ASIC2: variants seen among roughly 807,000 people sequenced by gnomAD.
ASIC2 encodes acid-sensing ion channel 2.
In ASIC2, 25 loss-of-function variants were observed where a neutral mutation model predicts 57.3. That is an observed-to-expected ratio of 0.44 (90% CI 0.32 to 0.61). ASIC2 has a LOEUF of 0.61. Ranked by LOEUF, ASIC2 falls within the 20% of genes least tolerant of loss-of-function variation. ASIC2 has a pLI of 0.06. For synonymous variants in ASIC2, 319 were observed against 307.5 expected, an observed-to-expected ratio of 1.04 and a Z score of -0.39; for missense variants, 641 against 738.1, an observed-to-expected ratio of 0.87 and a Z score of 1.52.
chr17:33,507,288 AC>A (rs1332489724), intron 1 of ASIC2, among the ~76,000 whole-genome samples: 1 of 151,990 alleles, frequency 6.6e-6, no homozygotes, highest in Non-Finnish European at 1.5e-5. Context: ...GGGCCCACAG[AC>A]TCTATGCTGA....
intron 1 of ASIC2, among the ~76,000 whole-genome samples, chr17:34,041,822 C>G (rs1047448178): frequency 2.0e-5 from 3 of 152,206 alleles, no homozygotes; most frequent in African/African-American, 7.2e-5. Flanking sequence ...CTGCAATCTC[C>G]TAAGTAGTCT....
chr17:34,065,600 A>G (rs138203042), intron 1 of ASIC2, among the ~76,000 whole-genome samples: 2 of 152,312 alleles, frequency 1.3e-5, no homozygotes, highest in African/African-American at 4.8e-5. Context: ...TTCCAAAAGT[A>G]AAAAAGACCG....
chr17:33,644,473 TTCAA>T (rs1906681110), intron 1 of ASIC2, among the ~76,000 whole-genome samples: 1 of 152,244 alleles, frequency 6.6e-6, no homozygotes, highest in African/African-American at 2.4e-5. Flanking sequence ...TTAGCATTTC[TTCAA>T]TAGTTTCTCA....
intron 1 of ASIC2, among the ~76,000 whole-genome samples, chr17:33,785,472 T>A (rs895472539): frequency 1.8e-4 from 27 of 152,166 alleles, no homozygotes; most frequent in African/African-American, 6.3e-4. Flanking sequence ...GGTTACATAA[T>A]CTTCCCAAGT....
At chr17:34,037,942 C>G in intron 1 of ASIC2, 1 of 1,613,758 alleles carries the variant, frequency 6.2e-7, no homozygotes, top group African/African-American at 1.3e-5. Flanking sequence ...TCACACCCAC[C>G]GACCACACAT....
chr17:34,045,393 T>C (rs1908298840), intron 1 of ASIC2, among the ~76,000 whole-genome samples: 1 of 152,208 alleles, frequency 6.6e-6, no homozygotes, highest in African/African-American at 2.4e-5. Flanking sequence ...TAATTAAAGC[T>C]GTAGTCTTCT....
At chr17:33,948,412 G>T (rs1306527196) in intron 1 of ASIC2, among the ~76,000 whole-genome samples, 1 of 152,172 alleles carries the variant, frequency 6.6e-6, no homozygotes, top group East Asian at 1.9e-4. Flanking sequence ...TTGCAGAACT[G>T]GCCAGAGATC....
At chr17:33,439,643 C>A (rs578041030) in intron 1 of ASIC2, among the ~76,000 whole-genome samples, 2 of 152,242 alleles carry the variant, frequency 1.3e-5, no homozygotes, top group Admixed American at 1.3e-4. Context: ...CTGAGTTTCA[C>A]AAATGTGTCA....
rs1908409196 is a variant in ASIC2 at position 34,048,134 on chromosome 17, CTCAGG to C, written c.555+107839_555+107843del. Among the ~76,000 whole-genome samples, 22 of 152,286 alleles carry C rather than the reference CTCAGG, an allele frequency of 1.4e-4. No homozygotes were observed. In the South Asian group the frequency reaches 4.6e-3, roughly 32 times the overall value. On this transcript the variant is annotated intron_variant, in intron 1 of 9. Transcript: ENST00000359872. ...TCCACACTTTGATTTATGGATATTTCTCAGGGCCACACACAGCATGTCTAACTGCC... is the reference window on the plus strand; with the variant it reads ...TCCACACTTTGATTTATGGATATTTCGCCACACACAGCATGTCTAACTGCC...
intron 1 of ASIC2, among the ~76,000 whole-genome samples, chr17:34,088,708 C>T (rs1024665108): frequency 3.3e-5 from 5 of 152,260 alleles, no homozygotes; most frequent in African/African-American, 1.2e-4. Flanking sequence ...AGCTTCCCGG[C>T]TGCTTTGTTT....
intron 1 of ASIC2, among the ~76,000 whole-genome samples, chr17:33,881,461 C>T (rs1284852559): frequency 2.0e-5 from 3 of 152,216 alleles, no homozygotes; most frequent in Middle Eastern, 3.4e-3. Flanking sequence ...TTCTTATACA[C>T]CAATAACAGA....
At chr17:33,651,109 T>TG (rs1906905476) in intron 1 of ASIC2, among the ~76,000 whole-genome samples, 1 of 152,042 alleles carries the variant, frequency 6.6e-6, no homozygotes, top group African/African-American at 2.4e-5. Flanking sequence ...AAACTACACA[T>TG]GTGACAAAAT....
intron 1 of ASIC2, among the ~76,000 whole-genome samples, chr17:34,136,885 T>C (rs552066446): frequency 1.2e-4 from 18 of 152,208 alleles, no homozygotes; most frequent in Non-Finnish European, 2.9e-5. Context: ...TCATGCAGCA[T>C]TGTCTCCCAA....
chr17:33,271,203 C>T (rs368674413), intron 1 of ASIC2, among the ~76,000 whole-genome samples: 10 of 152,282 alleles, frequency 6.6e-5, no homozygotes, highest in South Asian at 6.2e-4. Flanking sequence ...CTCTCACCCT[C>T]CTTTGCCTGC....
chr17:33,142,608 G>T (rs1290520811), intron 1 of ASIC2, among the ~76,000 whole-genome samples: 2 of 152,172 alleles, frequency 1.3e-5, no homozygotes, highest in Non-Finnish European at 2.9e-5. Context: ...AGTGAGGCTG[G>T]TATGGGGCTC....
At chr17:33,987,980 G>A (rs780652760) in intron 1 of ASIC2, among the ~76,000 whole-genome samples, 12 of 152,174 alleles carry the variant, frequency 7.9e-5, no homozygotes, top group Admixed American at 5.9e-4. Context: ...TTGTGAGGGA[G>A]ACAGGAAGGA....
intron 3 of ASIC2, among the ~76,000 whole-genome samples, chr17:33,064,029 C>T (rs970914463): frequency 6.6e-6 from 1 of 152,200 alleles, no homozygotes; most frequent in Non-Finnish European, 1.5e-5. Flanking sequence ...TTAAGGACTT[C>T]TCTGCATTGG....
intron 1 of ASIC2, among the ~76,000 whole-genome samples, chr17:34,141,003 C>A (rs1182079776): frequency 6.6e-6 from 1 of 152,098 alleles, no homozygotes; most frequent in Non-Finnish European, 1.5e-5. Flanking sequence ...AGTATTAGGA[C>A]AAATAGATAT....
At chr17:33,294,114 AG>A (rs1905623051), upstream of ASIC2, among the ~76,000 whole-genome samples, 1 of 152,116 alleles carries the variant, frequency 6.6e-6, no homozygotes, top group South Asian at 2.1e-4. Flanking sequence ...GAGGGTGGGA[AG>A]GGGGAGTAGG....
Sources: allele counts gnomAD v4.1 joint callset (sites outside exome capture counted in the v4.1 genomes callset), GRCh38; gene constraint gnomAD v4.1.1; transcripts MANE v1.5; gene names NCBI Gene and HGNC (gene_info 2026-07-23, HGNC 2026-07-21).